Variants in CEP41 observed in about 807,000 individuals in gnomAD.
CEP41 encodes centrosomal protein of 41 kDa.
A neutral mutation model predicts 44.3 loss-of-function variants in CEP41; 32 were observed. That is an observed-to-expected ratio of 0.72 (90% CI 0.54 to 0.97). CEP41 has a LOEUF of 0.97. Ranked by LOEUF, CEP41 falls within the 50% of genes least tolerant of loss-of-function variation. The pLI, the probability that CEP41 is intolerant of heterozygous loss-of-function variation, is 0.00. For missense variants in CEP41, 432 were observed against 455.2 expected (o/e 0.95, Z 0.46); for synonymous variants, 151 against 168.5 (o/e 0.90, Z 0.80).
At chr7:130,411,263 A>C (rs1797175276) in intron 4 of CEP41, 72 bp from the exon 5 acceptor site, 1 of 1,199,040 alleles carries the variant, frequency 8.3e-7, no homozygotes. Context: ...TCTTTTACAA[A>C]AGACGAGGGA....
chr7:130,434,104 T>C (rs2117702830), intron 1 of CEP41, among the ~76,000 whole-genome samples: 1 of 152,346 alleles, frequency 6.6e-6, no homozygotes, highest in East Asian at 1.9e-4. Flanking sequence ...AAATTTTTAA[T>C]AGCAAAGCCA....
intron 6 of CEP41, among the ~76,000 whole-genome samples, chr7:130,403,540 G>A (rs1331679643): frequency 2.0e-5 from 3 of 152,162 alleles, no homozygotes; most frequent in Non-Finnish European, 4.4e-5. Flanking sequence ...ACAAGACTAG[G>A]TGTTATGAAC....
intron 2 of CEP41, chr7:130,421,440 T>C (rs1027938841): frequency 1.9e-5 from 19 of 985,288 alleles, no homozygotes; most frequent in African/African-American, 3.5e-5. Flanking sequence ...AAGTGATATG[T>C]GTGTATAGTG....
intron 2 of CEP41, 104 bp downstream of exon 2, chr7:130,427,851 T>G: frequency 3.5e-5 from 26 of 751,050 alleles, no homozygotes; most frequent in Middle Eastern, 6.7e-4. Flanking sequence ...GGCAAAACAG[T>G]GAGAAACTTT....
At position 130,397,954 on chromosome 7, in the gene CEP41, G is replaced by C. The variant is rs1446157880; in HGVS notation, c.*937C>G. On this transcript the variant is annotated 3_prime_UTR_variant, in exon 11 of 11. Coordinates refer to ENST00000223208, the MANE Select transcript of CEP41 (RefSeq NM_018718.3). ...TAAGCAAGGGCTTACGAGGTTGTCA[G>C]CCCTGACAAAGGACTTCGGAGTCCT... is the stretch of plus-strand genomic sequence containing the variant. 2.2e-6 allele frequency: 1 copy of C among 454,442 alleles called. No homozygotes were observed. The highest frequency in any genetic ancestry group is 4.4e-6 in the Non-Finnish European group (1 of 226,802). 28.2% of individuals were successfully genotyped at this position (454,442 alleles called of 1,614,324 possible). A position where few individuals can be genotyped will look rare whatever the true frequency, so the allele number is the denominator to read the frequency against.
chr7:130,429,141 C>T (rs1554424494), intron 1 of CEP41, among the ~76,000 whole-genome samples: 1 of 152,096 alleles, frequency 6.6e-6, no homozygotes, highest in African/African-American at 2.4e-5. Flanking sequence ...GAGATTTTAT[C>T]CATCTCTCCC....
In CEP41 at chr7:130,394,488, G is replaced by C. The variant is rs916134541; in HGVS notation, c.*4403C>G. On this transcript the variant is annotated 3_prime_UTR_variant, in exon 11 of 11. Coordinates refer to ENST00000223208, the MANE Select transcript of CEP41 (RefSeq NM_018718.3). ...GAGAAAACCTACTCTTAAGATGGGG[G>C]TGGTGTGTGACCTTTGCGTGCTGAA... is the stretch of plus-strand genomic sequence containing the variant. 2.2e-6 allele frequency: 1 copy of C among 454,124 alleles called. No individual in the cohort carries two copies. Among genetic ancestry groups the C allele is most frequent in the African/African-American group, 2.0e-5 (1 of 50,134 alleles). The allele number at this position is 454,124 out of a possible 1,614,324, so 28.1% of individuals were successfully genotyped here.
Position 130,400,775 on chromosome 7 carries a change from C to T in CEP41, c.689G>A (p.Arg230Lys). 1 of 1,613,796 alleles carries T rather than the reference C, an allele frequency of 6.2e-7. No homozygotes were observed. The highest frequency in any genetic ancestry group is 1.1e-5 in the South Asian group (1 of 90,882). Reference protein sequence around the residue: ...KIIILYDDDERLASQAATTMC... With the variant: ...KIIILYDDDEKLASQAATTMC... The stretch of plus-strand genomic sequence containing the variant: ...GGTGGTGGCCGCCTGACTGGCCAGC[C>T]TTTCATCATCGTCATACAGAATGAT... Residue 230 changes from arginine (R) to lysine (K), a missense_variant, in exon 9 of 11, where the codon AGG becomes AAG. By Grantham distance (26) the Arg-to-Lys change is conservative (BLOSUM62 2). Coordinates refer to ENST00000223208, the MANE Select transcript of CEP41 (RefSeq NM_018718.3).
At chr7:130,422,037 A>G in intron 2 of CEP41, 1 of 1,535,300 alleles carries the variant, frequency 6.5e-7, no homozygotes, top group African/African-American at 1.4e-5. Flanking sequence ...TTTGAAGTTC[A>G]AAATAATTCT....
In CEP41 at chr7:130,411,150, C is replaced by T. The variant is rs1554419608; in HGVS notation, c.249G>A (p.Val83=). 5 of 1,614,126 alleles carry T rather than the reference C, an allele frequency of 3.1e-6. No homozygotes were observed. The South Asian group carries it at 5.5e-5, about 18-fold the overall frequency. ...VASLSDQTLE[V]TAEEIQRLED... is the part of the protein sequence containing the mutation. Reference sequence around the variant, plus strand: ...CCAGCCTTTGAATCTCCTCAGCTGTCACTTCCAGTGTTTGATCAGAGAGGG... The same window carrying T: ...CCAGCCTTTGAATCTCCTCAGCTGTTACTTCCAGTGTTTGATCAGAGAGGG... The change falls in exon 5 of 11, where the codon GTG becomes GTA. Residue 83 remains valine (V), a synonymous_variant. Coordinates refer to ENST00000223208, the MANE Select transcript of CEP41 (RefSeq NM_018718.3).
intron 1 of CEP41, among the ~76,000 whole-genome samples, chr7:130,432,313 TAAATC>T (rs1319261323): frequency 6.6e-6 from 1 of 152,154 alleles, no homozygotes; most frequent in Non-Finnish European, 1.5e-5. Context: ...TTTAAAATGT[TAAATC>T]AATATAATTT....
intron 1 of CEP41, among the ~76,000 whole-genome samples, chr7:130,432,208 C>T (rs1444966137): frequency 6.6e-6 from 1 of 152,112 alleles, no homozygotes; most frequent in Non-Finnish European, 1.5e-5. Context: ...GCATGAAAAT[C>T]AGTTGAAAGG....
rs1796819551 is a variant in CEP41 at position 130,400,780 on chromosome 7, A to T, written c.684T>A (p.Asp228Glu). 6.2e-7 allele frequency: 1 copy of T among 1,613,636 alleles called. No homozygotes were observed. Among genetic ancestry groups the T allele is most frequent in the Non-Finnish European group, 8.5e-7 (1 of 1,179,872 alleles). ...HGKIIILYDD[D>E]ERLASQAATT... ...TGGCCGCCTGACTGGCCAGCCTTTC[A>T]TCATCGTCATACAGAATGATGATCT... Residue 228 changes from aspartate to glutamate, a missense_variant, in exon 9 of 11, where the codon GAT becomes GAA. Transcript: ENST00000223208.
Position 130,394,741 on chromosome 7 carries a change from T to C in CEP41, c.*4150A>G, listed in dbSNP as rs1248731081. The C allele has an allele frequency of 2.2e-6, 1 of 454,004 alleles. No individual in the cohort carries two copies. The highest frequency in any genetic ancestry group is 4.4e-6 in the Non-Finnish European group (1 of 226,804). 28.1% of individuals were successfully genotyped at this position (454,004 alleles called of 1,614,324 possible). ...GGGCATCACATCCAAACTTCAATCT[T>C]GACAGGTTCAATTCATTTATTCATG... On this transcript the variant is annotated 3_prime_UTR_variant, in exon 11 of 11. Coordinates refer to ENST00000223208, the MANE Select transcript of CEP41 (RefSeq NM_018718.3).
rs536266914 is a variant in CEP41, at chr7:130,395,872, C to T, written c.*3019G>A. ...TGATCGTGCTGGTCCTGGCTAACCA[C>T]TAAAGGTTAAAAAAAAAAAAAAAGA... On this transcript the variant is annotated 3_prime_UTR_variant, in exon 11 of 11. Coordinates refer to ENST00000223208, the MANE Select transcript of CEP41 (RefSeq NM_018718.3). 2.3e-5 allele frequency: 10 copies of T among 437,850 alleles called. No homozygotes were observed. The highest frequency in any genetic ancestry group is 1.5e-4 in the African/African-American group (7 of 47,632). 27.1% of individuals were successfully genotyped at this position (437,850 alleles called of 1,614,324 possible). A position where few individuals can be genotyped will look rare whatever the true frequency, so the allele number is the denominator to read the frequency against.
rs1331799049 is a variant in CEP41 at position 130,397,513 on chromosome 7, T to TA, written c.*1377_*1378insT. On this transcript the variant is annotated 3_prime_UTR_variant, in exon 11 of 11. Transcript: ENST00000223208. ...CTAGAAATACTGTGGTGCATTTTTTTTTTTTTTTTTTTTTTTTTTTGGTGG... is the reference window on the plus strand; with the variant it reads ...CTAGAAATACTGTGGTGCATTTTTTTATTTTTTTTTTTTTTTTTTTTGGTGG... The TA allele has an allele frequency of 6.0e-6, 2 of 331,820 alleles. No homozygotes were observed. Among genetic ancestry groups the TA allele is most frequent in the Admixed American group, 3.9e-5 (1 of 25,332 alleles). 20.6% of individuals were successfully genotyped at this position (331,820 alleles called of 1,614,324 possible).
intron 3 of CEP41, among the ~76,000 whole-genome samples, chr7:130,413,575 T>C (rs1265999209): frequency 3.2e-5 from 4 of 123,544 alleles, no homozygotes; most frequent in Non-Finnish European, 5.1e-5. Flanking sequence ...TGAAACTGTG[T>C]CACAAAAAAA....
intron 2 of CEP41, among the ~76,000 whole-genome samples, chr7:130,425,302 A>G (rs965358952): frequency 6.6e-6 from 1 of 152,166 alleles, no homozygotes; most frequent in African/African-American, 2.4e-5. Context: ...AATTCCAGCT[A>G]CTTGCAAGGC....
intron 2 of CEP41, among the ~76,000 whole-genome samples, chr7:130,418,405 A>G (rs3823582): frequency 0.13 from 20,091 of 152,218 alleles, 1,446 homozygotes; most frequent in African/African-American, 0.18. Context: ...GCCCACTGCA[A>G]CTCTGAACTC....
Sources: gnomAD v4.1 joint callset for allele counts (sites outside exome capture counted in the v4.1 genomes callset) on GRCh38, gnomAD v4.1.1 for gene constraint, MANE v1.5 for transcripts, NCBI Gene and HGNC (gene_info 2026-07-23, HGNC 2026-07-21) for gene names.